The following SLC1A3 variants were observed in gnomAD, a reference collection of about 807,000 sequenced individuals.
SLC1A3 encodes solute carrier family 1 member 3.
A neutral mutation model predicts 48.1 loss-of-function variants in SLC1A3; 21 were observed. The observed-to-expected ratio is 0.44, with a 90% CI of 0.31 to 0.63. SLC1A3 has a LOEUF of 0.63. SLC1A3 is among the 20% of genes least tolerant of loss of function. The pLI is 0.08. For missense variants in SLC1A3, 546 were observed against 689.0 expected, an observed-to-expected ratio of 0.79 and a Z score of 2.32; for synonymous variants, 239 against 251.4, an observed-to-expected ratio of 0.95 and a Z score of 0.47.
intron 3 of SLC1A3, among the ~76,000 whole-genome samples, chr5:36,639,829 C>CGCAT (rs1270191982): frequency 6.6e-6 from 1 of 152,192 alleles, no homozygotes; most frequent in East Asian, 1.9e-4. Flanking sequence ...AAGTACGCTG[C>CGCAT]GCATGCACGC....
At chr5:36,616,254 T>A (rs1163933455) in intron 2 of SLC1A3, among the ~76,000 whole-genome samples, 1 of 152,164 alleles carries the variant, frequency 6.6e-6, no homozygotes, top group East Asian at 1.9e-4. Flanking sequence ...TAGAGCTTAT[T>A]CCCTAGGCCA....
intron 7 of SLC1A3, 168 bp from the exon 8 acceptor site, chr5:36,680,227 G>T: frequency 1.5e-6 from 1 of 684,090 alleles, no homozygotes; most frequent in Non-Finnish European, 2.6e-6. Flanking sequence ...ACCCCGTGAG[G>T]GGACCACACT....
intron 3 of SLC1A3, among the ~76,000 whole-genome samples, chr5:36,651,950 CT>C (rs1334669215): frequency 6.6e-6 from 1 of 152,318 alleles, no homozygotes; most frequent in Non-Finnish European, 1.5e-5. Context: ...TATTACACTG[CT>C]TCCCTGAGCA....
intron 2 of SLC1A3, among the ~76,000 whole-genome samples, chr5:36,620,951 G>A (rs1243902219): frequency 6.6e-6 from 1 of 151,784 alleles, no homozygotes; most frequent in East Asian, 1.9e-4. Flanking sequence ...TGTCACCTAG[G>A]CTGGAGTGCA....
chr5:36,655,713 C>T (rs1741257716), intron 3 of SLC1A3, among the ~76,000 whole-genome samples: 1 of 152,184 alleles, frequency 6.6e-6, no homozygotes, highest in South Asian at 2.1e-4. Flanking sequence ...TCACCACTAA[C>T]TAGTGGTGTC....
upstream of SLC1A3, among the ~76,000 whole-genome samples, chr5:36,604,378 T>C (rs953309526): frequency 6.6e-6 from 1 of 151,694 alleles, no homozygotes; most frequent in Non-Finnish European, 1.5e-5. Flanking sequence ...GACTTAACTA[T>C]AAAGTAGAGG....
intron 3 of SLC1A3, chr5:36,635,904 G>C (rs559060165): frequency 6.6e-6 from 1 of 152,250 alleles, no homozygotes; most frequent in African/African-American, 2.4e-5. Flanking sequence ...GTCTCTCTAG[G>C]GGCTAATCAC....
At chr5:36,682,816 T>C (rs1742490423) in intron 8 of SLC1A3, among the ~76,000 whole-genome samples, 1 of 152,082 alleles carries the variant, frequency 6.6e-6, no homozygotes, top group Non-Finnish European at 1.5e-5. Flanking sequence ...TCAAGGGAGG[T>C]TGGGAAGTGT....
At chr5:36,684,572 C>A (rs1028829924) in intron 9 of SLC1A3, among the ~76,000 whole-genome samples, 5 of 152,228 alleles carry the variant, frequency 3.3e-5, no homozygotes, top group African/African-American at 1.2e-4. Context: ...CCCTTCGCCC[C>A]CTTCCCTCGC....
At position 36,619,554 on chromosome 5, in the gene SLC1A3, C is replaced by A. The variant is rs1739582663; in HGVS notation, c.182-9896C>A. 3.3e-5 allele frequency among the ~76,000 whole-genome samples: 5 copies of A among 152,248 alleles called. No individual in the cohort carries two copies. In the South Asian group the frequency reaches 1.0e-3, roughly 32 times the overall value. On this transcript the variant is annotated intron_variant, in intron 2 of 9. Coordinates refer to ENST00000265113, the MANE Select transcript of SLC1A3 (RefSeq NM_004172.5). ...ACTCAGAAGGCTGAGGCGGGAGGAT[C>A]ACTTGAGGCCAGAAGTTCGAGACCA...
chr5:36,658,501 G>A (rs879429114), intron 3 of SLC1A3, among the ~76,000 whole-genome samples: 3 of 152,176 alleles, frequency 2.0e-5, no homozygotes, highest in Admixed American at 6.5e-5. Flanking sequence ...GAAGACCGAA[G>A]TCCCCTGGTA....
chr5:36,612,760 G>A (rs570814426), intron 2 of SLC1A3: 44 of 455,796 alleles, frequency 9.7e-5, no homozygotes, highest in African/African-American at 8.4e-4. Context: ...AAAAACTGAA[G>A]CCCAAATCCT....
chr5:36,609,381 C>A, intron 2 of SLC1A3: 3 of 383,318 alleles, frequency 7.8e-6, no homozygotes, highest in Non-Finnish European at 1.1e-5. Flanking sequence ...AATTTTTGAC[C>A]AAACCAATAC....
chr5:36,601,619 C>T (rs1738808318), upstream of SLC1A3, among the ~76,000 whole-genome samples: 1 of 152,118 alleles, frequency 6.6e-6, no homozygotes, highest in South Asian at 2.1e-4. Flanking sequence ...CGCTTCCCAA[C>T]TGTGATGTGT....
chr5:36,598,853 C>T (rs1443176461), intron 1 of SLC1A3, among the ~76,000 whole-genome samples: 1 of 152,128 alleles, frequency 6.6e-6, no homozygotes, highest in Non-Finnish European at 1.5e-5. Flanking sequence ...ATCTCAAACT[C>T]CTGCACTCAA....
chr5:36,626,425 T>G (rs1460955697), intron 2 of SLC1A3, among the ~76,000 whole-genome samples: 2 of 152,244 alleles, frequency 1.3e-5, no homozygotes, highest in Admixed American at 1.3e-4. Flanking sequence ...TGTAAGTAAG[T>G]GTATTTCTAA....
chr5:36,598,857 C>T (rs1738773487), intron 1 of SLC1A3, among the ~76,000 whole-genome samples: 1 of 152,130 alleles, frequency 6.6e-6, no homozygotes, highest in African/African-American at 2.4e-5. Flanking sequence ...CAAACTCCTG[C>T]ACTCAAGCAG....
At position 36,686,248 on chromosome 5, in the gene SLC1A3, C is replaced by G; in HGVS notation, c.1608C>G (p.Ile536Met). ...AGGACAATGAAACTGAGAAACCCAT[C>G]GACAGTGAAACCAAGATGTAGACTA... ...IAQDNETEKP[I>M]DSETKM Residue 536 changes from isoleucine to methionine, a missense_variant, in exon 10 of 10, where the codon ATC (isoleucine) becomes ATG (methionine). By Grantham distance (10) the Ile-to-Met change is conservative. Coordinates refer to ENST00000265113, the MANE Select transcript of SLC1A3 (RefSeq NM_004172.5). 6.2e-7 allele frequency: 1 copy of G among 1,613,512 alleles called. No homozygotes were observed. Among genetic ancestry groups the G allele is most frequent in the Non-Finnish European group, 8.5e-7 (1 of 1,179,386 alleles).
chr5:36,601,835 C>T (rs1351300211), upstream of SLC1A3, among the ~76,000 whole-genome samples: 1 of 150,692 alleles, frequency 6.6e-6, no homozygotes, highest in East Asian at 1.9e-4. Context: ...GACTTCCTTT[C>T]TCCAAGTCTT....
Sources: allele counts gnomAD v4.1 joint callset (sites outside exome capture counted in the v4.1 genomes callset), GRCh38; gene constraint gnomAD v4.1.1; transcripts MANE v1.5; gene names NCBI Gene and HGNC (gene_info 2026-07-23, HGNC 2026-07-21).